DCDC2: variants seen among roughly 807,000 people sequenced by gnomAD.
The protein encoded by DCDC2 is doublecortin domain-containing protein 2.
Under a neutral mutation model 50.2 loss-of-function variants are expected in DCDC2, and 40 were observed. The ratio of observed to expected loss-of-function variants is 0.80; its 90% confidence interval spans 0.62 to 1.04. The LOEUF (loss-of-function observed/expected upper bound fraction) is 1.04, where lower values mean the gene tolerates loss of function less well. Ranked by LOEUF, DCDC2 falls within the 50% of genes least tolerant of loss-of-function variation. The pLI, the probability that DCDC2 is intolerant of heterozygous loss-of-function variation, is 0.00. For missense variants in DCDC2, 570 were observed against 581.9 expected (o/e 0.98, Z 0.21); for synonymous variants, 234 against 210.6 (o/e 1.11, Z -0.96).
At chr6:24,272,398 A>G (rs1763256719) in intron 7 of DCDC2, among the ~76,000 whole-genome samples, 1 of 152,184 alleles carries the variant, frequency 6.6e-6, no homozygotes, top group Admixed American at 6.5e-5. Flanking sequence ...TCTGACCCAT[A>G]TATCCCACAG....
chr6:24,370,896 G>A, the DCDC2 span, among the ~76,000 whole-genome samples: 3 of 152,230 alleles, frequency 2.0e-5, no homozygotes, highest in South Asian at 2.1e-4. Flanking sequence ...GTAAATCCAT[G>A]CCATGGAATA....
chr6:24,303,355 C>T (rs1298484333), intron 2 of DCDC2, among the ~76,000 whole-genome samples: 1 of 152,118 alleles, frequency 6.6e-6, no homozygotes, highest in Non-Finnish European at 1.5e-5. Flanking sequence ...ACTCCTTCCA[C>T]ACAGACTCCT....
intron 2 of DCDC2, among the ~76,000 whole-genome samples, chr6:24,306,548 A>G (rs1452987567): frequency 8.8e-6 from 1 of 113,690 alleles, no homozygotes; most frequent in Non-Finnish European, 1.8e-5. Context: ...ATAGATAGAC[A>G]GACAGACAGA....
intron 8 of DCDC2, among the ~76,000 whole-genome samples, chr6:24,202,563 A>C (rs1175741773): frequency 6.6e-6 from 1 of 152,244 alleles, no homozygotes; most frequent in Non-Finnish European, 1.5e-5. Context: ...TTCCCTTTGA[A>C]AACTGGCACA....
chr6:24,237,607 G>A (rs1406341257), intron 7 of DCDC2, among the ~76,000 whole-genome samples: 1 of 152,148 alleles, frequency 6.6e-6, no homozygotes, highest in African/African-American at 2.4e-5. Context: ...CTATCGAAAT[G>A]ACATATGTAC....
At chr6:24,370,795 GA>G in the DCDC2 span, among the ~76,000 whole-genome samples, 1 of 152,196 alleles carries the variant, frequency 6.6e-6, no homozygotes, top group African/African-American at 2.4e-5. Context: ...TGTTATACAT[GA>G]ATGTTCATAG....
intron 8 of DCDC2, among the ~76,000 whole-genome samples, chr6:24,183,944 C>T (rs62400346): frequency 0.16 from 23,592 of 152,072 alleles, 2,069 homozygotes; most frequent in East Asian, 0.39. Flanking sequence ...GTGAGAAAGG[C>T]GGGGCAAATG....
chr6:24,243,497 G>A (rs976425793), intron 7 of DCDC2, among the ~76,000 whole-genome samples: 1 of 152,192 alleles, frequency 6.6e-6, no homozygotes, highest in Non-Finnish European at 1.5e-5. Context: ...ATGATTTAAT[G>A]TGTTTAAAAT....
chr6:24,364,623 T>G, the DCDC2 span, among the ~76,000 whole-genome samples: 53 of 152,156 alleles, frequency 3.5e-4, no homozygotes, highest in Non-Finnish European at 7.1e-4. Context: ...AAGTATTAAA[T>G]AATTATTTCA....
intron 2 of DCDC2, among the ~76,000 whole-genome samples, chr6:24,335,692 G>C (rs1224391330): frequency 6.6e-6 from 1 of 152,180 alleles, no homozygotes; most frequent in South Asian, 2.1e-4. Context: ...TGGCTGGGAG[G>C]ACTCAGGAAA....
chr6:24,182,629 G>GA (rs71002473), intron 8 of DCDC2, among the ~76,000 whole-genome samples: 8,863 of 105,884 alleles, frequency 0.084, 1,018 homozygotes, highest in African/African-American at 0.25. Context: ...ATGATGACAA[G>GA]AAAAAAAAAA....
At chr6:24,358,986 T>TATTATATATTTTATAC (rs1760568440), upstream of DCDC2, among the ~76,000 whole-genome samples, 1 of 79,950 alleles carries the variant, frequency 1.3e-5, no homozygotes, top group African/African-American at 5.5e-5. Flanking sequence ...ATACATTATA[T>TATTATATATTTTATAC]ATTATATATT....
At chr6:24,246,723 G>A (rs1016064552) in intron 7 of DCDC2, among the ~76,000 whole-genome samples, 1 of 152,022 alleles carries the variant, frequency 6.6e-6, no homozygotes, top group Non-Finnish European at 1.5e-5. Context: ...CTGACCTCAG[G>A]TGATCTGCCC....
intron 2 of DCDC2, among the ~76,000 whole-genome samples, chr6:24,343,018 A>G (rs1423589082): frequency 6.7e-6 from 1 of 149,454 alleles, no homozygotes; most frequent in African/African-American, 2.5e-5. Flanking sequence ...CAGGCCTAGA[A>G]TGTAGTCCAC....
intron 2 of DCDC2, among the ~76,000 whole-genome samples, chr6:24,351,750 G>GT (rs1760376483): frequency 6.6e-6 from 1 of 152,250 alleles, no homozygotes; most frequent in Non-Finnish European, 1.5e-5. Context: ...TGTCCCCAGA[G>GT]TGGAAGAACA....
rs548034734 is a variant in DCDC2, at chr6:24,333,097, A to G, written c.348+20472T>C. Among the ~76,000 whole-genome samples the G allele has an allele frequency of 5.9e-5, 9 of 152,310 alleles. No individual in the cohort carries two copies. The East Asian group carries it at 1.3e-3, about 23-fold the overall frequency. On this transcript the variant is annotated intron_variant, in intron 2 of 9. Coordinates refer to ENST00000378454, the MANE Select transcript of DCDC2 (RefSeq NM_016356.5). ...AATATGAGCAAAAAAGGCAAAAAGA[A>G]GAATGAGGGAGAATGTTCCAAACTC...
intron 2 of DCDC2, among the ~76,000 whole-genome samples, chr6:24,335,855 C>T (rs1004135539): frequency 6.6e-6 from 1 of 152,128 alleles, no homozygotes; most frequent in African/African-American, 2.4e-5. Flanking sequence ...AAACTGCCCC[C>T]ATGATCCAAT....
At chr6:24,307,250 ACT>A (rs1759490343) in intron 2 of DCDC2, among the ~76,000 whole-genome samples, 1 of 152,130 alleles carries the variant, frequency 6.6e-6, no homozygotes. Context: ...AAAAAAACAA[ACT>A]CTGTCTAAAG....
the DCDC2 span, among the ~76,000 whole-genome samples, chr6:24,378,865 T>C: frequency 6.7e-6 from 1 of 150,134 alleles, no homozygotes; most frequent in Non-Finnish European, 1.5e-5. Context: ...GGTGGGAGGA[T>C]TGCTTGAGCC....
Sources: allele counts gnomAD v4.1 joint callset (sites outside exome capture counted in the v4.1 genomes callset), GRCh38; gene constraint gnomAD v4.1.1; transcripts MANE v1.5; gene names NCBI Gene and HGNC (gene_info 2026-07-23, HGNC 2026-07-21).